NOL4: variants seen among roughly 807,000 people sequenced by gnomAD.
The protein encoded by NOL4 is nucleolar protein 4, also known as cancer/testis antigen 125.
In NOL4, 17 loss-of-function variants were observed where a neutral mutation model predicts 75.9. That is an observed-to-expected ratio of 0.22 (90% confidence interval 0.15 to 0.34). The LOEUF (loss-of-function observed/expected upper bound fraction) is 0.34, where lower values mean the gene tolerates loss of function less well. Ranked by LOEUF, NOL4 falls within the 10% of genes least tolerant of loss-of-function variation. NOL4 has a pLI of 1.00. For synonymous variants in NOL4, 292 were observed against 289.9 expected (o/e 1.01, Z -0.07); for missense variants, 614 against 793.5 (o/e 0.77, Z 2.72).
At chr18:34,048,926 C>CT (rs1217226271) in intron 5 of NOL4, among the ~76,000 whole-genome samples, 1 of 152,034 alleles carries the variant, frequency 6.6e-6, no homozygotes, top group African/African-American at 2.4e-5. Flanking sequence ...ACACTACCCC[C>CT]TTTAAATTAA....
chr18:34,201,394 C>CT (rs1427721220), intron 1 of NOL4, among the ~76,000 whole-genome samples: 1 of 151,798 alleles, frequency 6.6e-6, no homozygotes, highest in East Asian at 1.9e-4. Context: ...GGAAATAAAA[C>CT]TAAGGCAGTT....
intron 6 of NOL4, among the ~76,000 whole-genome samples, chr18:34,014,263 A>C (rs1250912974): frequency 6.6e-6 from 1 of 151,964 alleles, no homozygotes; most frequent in Non-Finnish European, 1.5e-5. Context: ...ACAAAATAAA[A>C]TACTACTAAA....
In NOL4 at chr18:34,129,943, C is replaced by T. The variant is rs190733368; in HGVS notation, c.342G>A (p.Ser114=). The T allele has an allele frequency of 6.9e-6, 11 of 1,597,974 alleles. No homozygotes were observed. Among genetic ancestry groups the T allele is most frequent in the African/African-American group, 1.3e-5 (1 of 74,106 alleles). ...VVEDFFDIIY[S]MHVETGPNGE... ...CATTTGGCCCCGTTTCCACATGCAT[C>T]GAATAAATAATGTCAAAGAAATCTT... Residue 114 remains serine, a synonymous_variant, in exon 2 of 11, where the codon TCG becomes TCA. Transcript: ENST00000261592.
chr18:33,854,210 C>T (rs567077982), intron 10 of NOL4, among the ~76,000 whole-genome samples: 1 of 152,168 alleles, frequency 6.6e-6, no homozygotes, highest in South Asian at 2.1e-4. Context: ...TTTTGGTTCT[C>T]CTTGAAGCAT....
intron 9 of NOL4, among the ~76,000 whole-genome samples, chr18:33,892,660 T>TTCC (rs72573035): frequency 6.6e-6 from 1 of 151,264 alleles, no homozygotes; most frequent in South Asian, 2.1e-4. Context: ...CTTCTTCTTC[T>TTCC]TTTTTTCTTT....
At chr18:33,976,321 A>T (rs2071484715) in intron 6 of NOL4, among the ~76,000 whole-genome samples, 1 of 152,210 alleles carries the variant, frequency 6.6e-6, no homozygotes, top group Admixed American at 6.5e-5. Context: ...GGCATATGTC[A>T]AAAGCAATGC....
chr18:33,967,268 A>G (rs545831320), intron 6 of NOL4, among the ~76,000 whole-genome samples: 1 of 152,318 alleles, frequency 6.6e-6, no homozygotes, highest in East Asian at 1.9e-4. Flanking sequence ...ATAACTGGCT[A>G]CCCATATGCA....
At chr18:34,186,901 C>A (rs567529047) in intron 1 of NOL4, among the ~76,000 whole-genome samples, 1 of 152,236 alleles carries the variant, frequency 6.6e-6, no homozygotes, top group East Asian at 1.9e-4. Flanking sequence ...AGAAGGTTCA[C>A]CGCAAAACTG....
In NOL4 at chr18:34,224,698, G is replaced by T. The variant is rs2037504689; in HGVS notation, c.-1445C>A. 1 of 152,344 alleles carries T rather than the reference G, an allele frequency of 6.6e-6. No homozygotes were observed. Among genetic ancestry groups the T allele is most frequent in the Admixed American group, 6.5e-5 (1 of 15,282 alleles). The allele number at this position is 152,344 out of a possible 1,614,324, so 9.4% of individuals were successfully genotyped here. Reference sequence around the variant, plus strand: ...AAATCCCGGAAAGGGAAAGCGGGATGTTTGCGCCCACCGCGCTGTAGCTGG... The same window carrying T: ...AAATCCCGGAAAGGGAAAGCGGGATTTTTGCGCCCACCGCGCTGTAGCTGG... On this transcript the variant is annotated 5_prime_UTR_variant, in exon 1 of 11. Transcript: ENST00000261592.
At position 34,019,422 on chromosome 18, in the gene NOL4, C is replaced by G. The variant is rs369453065; in HGVS notation, c.952G>C (p.Glu318Gln). 180 of 1,613,812 alleles carry G rather than the reference C, an allele frequency of 1.1e-4. 1 individual carries two copies. The highest frequency in any genetic ancestry group is 1.5e-4 in the Non-Finnish European group (177 of 1,179,976). ...DSPLSAQLTS[E>Q]YRIDDHNSNG... is the part of the protein sequence containing the mutation. ...CTGTTGTGATCATCTATTCTGTATTCCGAAGTTAGCTGCGCAGAGAGGGGA... is the reference window on the plus strand; with the variant it reads ...CTGTTGTGATCATCTATTCTGTATTGCGAAGTTAGCTGCGCAGAGAGGGGA... The change falls in exon 6 of 11, where the codon GAA (glutamate) becomes CAA (glutamine). Residue 318 changes from glutamate (E) to glutamine (Q), a missense_variant. Transcript: ENST00000261592.
intron 6 of NOL4, among the ~76,000 whole-genome samples, chr18:33,992,340 A>C (rs2146121408): frequency 6.6e-6 from 1 of 151,998 alleles, no homozygotes; most frequent in African/African-American, 2.4e-5. Flanking sequence ...ACTTCTCAAG[A>C]GTTAACAGGC....
intron 5 of NOL4, among the ~76,000 whole-genome samples, chr18:34,020,755 T>C (rs1290088732): frequency 1.3e-5 from 2 of 152,040 alleles, no homozygotes; most frequent in African/African-American, 4.8e-5. Context: ...ATCCCAATTT[T>C]GTTAAAAAAA....
At chr18:34,053,456 T>C (rs568526508) in intron 5 of NOL4, among the ~76,000 whole-genome samples, 13 of 151,870 alleles carry the variant, frequency 8.6e-5, no homozygotes, top group Non-Finnish European at 1.9e-4. Flanking sequence ...AGGAAACATA[T>C]GGAGAAAAAA....
intron 2 of NOL4, among the ~76,000 whole-genome samples, chr18:34,123,511 T>C (rs917143543): frequency 1.4e-5 from 2 of 142,682 alleles, no homozygotes; most frequent in African/African-American, 5.2e-5. Context: ...TCAAATGAGA[T>C]ATCATTATAT....
chr18:34,041,977 A>G (rs2076160247), intron 5 of NOL4, among the ~76,000 whole-genome samples: 1 of 152,046 alleles, frequency 6.6e-6, no homozygotes, highest in Non-Finnish European at 1.5e-5. Context: ...TGTTGCATGA[A>G]GTTATGCATG....
chr18:34,136,862 C>G (rs138814046), intron 1 of NOL4, among the ~76,000 whole-genome samples: 252 of 151,914 alleles, frequency 1.7e-3, no homozygotes, highest in Middle Eastern at 3.4e-3. Flanking sequence ...GCCAAAATAG[C>G]CTTTAAAAAA....
At chr18:34,031,831 C>G (rs2075653849) in intron 5 of NOL4, among the ~76,000 whole-genome samples, 1 of 152,164 alleles carries the variant, frequency 6.6e-6, no homozygotes. Context: ...GCAATCCAAG[C>G]CACAGGAAAG....
chr18:34,004,844 T>C (rs571130531), intron 6 of NOL4, among the ~76,000 whole-genome samples: 76 of 152,102 alleles, frequency 5.0e-4, no homozygotes, highest in Non-Finnish European at 1.1e-3. Flanking sequence ...CTTCCTCTTA[T>C]ATTCATGACT....
chr18:34,164,002 A>G (rs1303964160), intron 1 of NOL4, among the ~76,000 whole-genome samples: 2 of 152,214 alleles, frequency 1.3e-5, no homozygotes, highest in East Asian at 3.8e-4. Context: ...AGGATTCCCT[A>G]TTTAATAAAT....
Sources: allele counts gnomAD v4.1 joint callset (sites outside exome capture counted in the v4.1 genomes callset), GRCh38; gene constraint gnomAD v4.1.1; transcripts MANE v1.5; gene names NCBI Gene and HGNC (gene_info 2026-07-23, HGNC 2026-07-21).